ABRAXAS1: variants seen among roughly 807,000 people sequenced by gnomAD.
ABRAXAS1 encodes the protein BRCA1-A complex subunit Abraxas 1.
ABRAXAS1 carries 26 observed loss-of-function variants against 38.4 expected under a neutral mutation model. The observed-to-expected ratio is 0.68, with a 90% CI of 0.50 to 0.94. The LOEUF (loss-of-function observed/expected upper bound fraction) is 0.94, where lower values mean the gene tolerates loss of function less well. ABRAXAS1 is among the 40% of genes least tolerant of loss of function. ABRAXAS1 has a pLI of 0.00. For missense variants in ABRAXAS1, 438 were observed against 481.9 expected, an observed-to-expected ratio of 0.91 and a Z score of 0.85; for synonymous variants, 144 against 165.5, an observed-to-expected ratio of 0.87 and a Z score of 1.00.
At chr4:83,468,493 A>C (rs1440450998) in intron 6 of ABRAXAS1, among the ~76,000 whole-genome samples, 2 of 152,110 alleles carry the variant, frequency 1.3e-5, no homozygotes, top group Non-Finnish European at 2.9e-5. Flanking sequence ...TTACTTCCTT[A>C]CTTAATGGCC....
chr4:83,467,298 T>C, intron 7 of ABRAXAS1, 156 bp downstream of exon 7: 1 of 543,566 alleles, frequency 1.8e-6, no homozygotes, highest in Non-Finnish European at 3.2e-6. Context: ...TAAAACTGCC[T>C]AATGACACAT....
Position 83,462,721 on chromosome 4 carries a change from C to A in ABRAXAS1, c.978G>T (p.Met326Ile), listed in dbSNP as rs1722176274. The A allele has an allele frequency of 6.2e-7, 1 of 1,613,640 alleles. No individual in the cohort carries two copies. The highest frequency in any genetic ancestry group is 1.1e-5 in the South Asian group (1 of 91,066). ...CTTCAGGAATGTCAGTGTGTTCTAC[C>A]ATTAAGGTCAGATTGTCTACTACAT... ...HLDVVDNLTLMVEHTDIPEAS... is the reference protein window; with the variant it reads ...HLDVVDNLTLIVEHTDIPEAS... Residue 326 changes from methionine (M) to isoleucine (I), a missense_variant, in exon 9 of 9, where the codon ATG becomes ATT. Physicochemically the swap from Met to Ile is conservative, Grantham distance 10. Transcript: ENST00000321945.
At chr4:83,471,223 T>A (rs1722580240) in intron 4 of ABRAXAS1, among the ~76,000 whole-genome samples, 1 of 93,654 alleles carries the variant, frequency 1.1e-5, no homozygotes, top group Admixed American at 1.2e-4. Context: ...TTTTTTTTTT[T>A]GAGACAGTCT....
At chr4:83,466,213 G>A (rs1388542147) in intron 7 of ABRAXAS1, among the ~76,000 whole-genome samples, 4 of 152,094 alleles carry the variant, frequency 2.6e-5, no homozygotes, top group African/African-American at 9.7e-5. Flanking sequence ...CCTTTCTCAG[G>A]GGTCAGACTT....
rs773812911 is a variant in ABRAXAS1, at chr4:83,462,643, A to C, written c.1056T>G (p.Asp352Glu). 150 of 1,613,940 alleles carry C rather than the reference A, an allele frequency of 9.3e-5. 1 individual carries two copies. In the Admixed American group the frequency reaches 1.1e-3, roughly 12 times the overall value. The part of the protein sequence containing the change: ...QIIKHKALDL[D>E]DRWQFKRSRL... ...GAGATCTCTTGAATTGCCATCTGTCATCTAAGTCTAAGGCTTTATGCTTAA... is the reference window on the plus strand; with the variant it reads ...GAGATCTCTTGAATTGCCATCTGTCCTCTAAGTCTAAGGCTTTATGCTTAA... The change falls in exon 9 of 9, where the codon GAT becomes GAG. Residue 352 changes from aspartate (D) to glutamate (E), a missense_variant. This residue lies in a region of ABRAXAS1 where 184 missense variants were observed against 181.9 expected (regional missense o/e 1.01). Transcript: ENST00000321945.
chr4:83,476,824 T>C (rs1578132913), intron 2 of ABRAXAS1, 145 bp from the exon 3 acceptor site: 4 of 567,454 alleles, frequency 7.0e-6, no homozygotes, highest in Admixed American at 2.9e-5. Flanking sequence ...CTGCGACATA[T>C]ACTATCATTA....
chr4:83,476,817 C>G (rs539235313), intron 2 of ABRAXAS1, 138 bp from the exon 3 acceptor site: 1 of 572,502 alleles, frequency 1.7e-6, no homozygotes, highest in South Asian at 2.2e-5. Flanking sequence ...AACAAATCTG[C>G]GACATATACT....
intron 2 of ABRAXAS1, chr4:83,478,529 T>C (rs72932937): frequency 2.8e-4 from 95 of 342,924 alleles, no homozygotes; most frequent in African/African-American, 2.0e-3. Flanking sequence ...TACCAAACCG[T>C]TGGTCTCCTA....
rs1244928397 is a variant in ABRAXAS1 at position 83,459,665 on chromosome 4, G to GT, written c.*2803dup. On this transcript the variant is annotated 3_prime_UTR_variant, in exon 9 of 9. Coordinates refer to ENST00000321945, the MANE Select transcript of ABRAXAS1 (RefSeq NM_139076.3). ...TAAAGCTTTATATAACCTGAAGGTT[G>GT]TTTTTTGAAATTTACACATTCAGAA... is the stretch of plus-strand genomic sequence containing the variant. 1.3e-5 allele frequency: 17 copies of GT among 1,357,448 alleles called. No individual in the cohort carries two copies. The highest frequency in any genetic ancestry group is 1.6e-5 in the Non-Finnish European group (15 of 966,104). The allele number at this position is 1,357,448 out of a possible 1,614,324, so 84.1% of individuals were successfully genotyped here. A position where few individuals can be genotyped will look rare whatever the true frequency, so the allele number is the denominator to read the frequency against.
intron 7 of ABRAXAS1, among the ~76,000 whole-genome samples, chr4:83,465,875 ATTTAT>A (rs1212531822): frequency 6.6e-6 from 1 of 152,158 alleles, no homozygotes; most frequent in African/African-American, 2.4e-5. Flanking sequence ...GAATCAAAAT[ATTTAT>A]TTTAACTGCT....
Position 83,476,655 on chromosome 4 carries a change from T to C in ABRAXAS1, c.203A>G (p.Tyr68Cys), listed in dbSNP as rs1156691653. 1.9e-6 allele frequency: 3 copies of C among 1,566,500 alleles called. No homozygotes were observed. The highest frequency in any genetic ancestry group is 1.7e-5 in the Admixed American group (1 of 59,812). Residue 68 changes from tyrosine to cysteine, a missense_variant, in exon 3 of 9, where the codon TAT (tyrosine) becomes TGT (cysteine). Transcript: ENST00000321945. ...CACTACTACTTACCTAAAAAGCTGA[T>C]AGCATGGAATATATTTCTGAATGTC... ...TIDIQKYIPC[Y>C]QLFSFYNSSG... is the part of the protein sequence containing the mutation.
At chr4:83,463,368 G>A (rs1722220485) in intron 8 of ABRAXAS1, 126 bp downstream of exon 8, 5 of 559,008 alleles carry the variant, frequency 8.9e-6, no homozygotes, top group Non-Finnish European at 1.5e-5. Flanking sequence ...AGGAGGCAGA[G>A]GTTGCAGTAA....
intron 7 of ABRAXAS1, among the ~76,000 whole-genome samples, chr4:83,465,461 C>T (rs1421966739): frequency 1.3e-5 from 2 of 152,126 alleles, no homozygotes; most frequent in African/African-American, 4.8e-5. Context: ...AAAACTGGAG[C>T]AAATGGCAGA....
chr4:83,473,924 G>C (rs1208141472), intron 3 of ABRAXAS1, among the ~76,000 whole-genome samples: 1 of 151,642 alleles, frequency 6.6e-6, no homozygotes, highest in Non-Finnish European at 1.5e-5. Context: ...TTGAGGTCAG[G>C]AGATTGAAAC....
intron 5 of ABRAXAS1, 176 bp downstream of exon 5, chr4:83,470,027 G>C (rs933669320): frequency 2.1e-6 from 1 of 481,036 alleles, no homozygotes; most frequent in Non-Finnish European, 3.7e-6. Context: ...TAATTTCCTT[G>C]TCTGACCATT....
chr4:83,462,516 C>A lies in ABRAXAS1; in HGVS notation c.1183G>T (p.Glu395Ter). Residue 395 changes from glutamate to a stop codon, truncating the protein, a stop_gained, in exon 9 of 9, where the codon GAA becomes TAA. Transcript: ENST00000321945. LOFTEE classifies it high-confidence loss of function. ...TATTCACCAAAACCCTTCATCTTTT[C>A]AATTTCTTCATCTGTTTCTGGGCTG... ...MSSPETDEEI[E>*]KMKGFGEYSR... The A allele has an allele frequency of 6.2e-7, 1 of 1,613,970 alleles. No individual in the cohort carries two copies. Among genetic ancestry groups the A allele is most frequent in the Non-Finnish European group, 8.5e-7 (1 of 1,179,988 alleles).
Position 83,477,430 on chromosome 4 carries a change from A to C in ABRAXAS1, c.179-751T>G, listed in dbSNP as rs181921137. On this transcript the variant is annotated intron_variant, in intron 2 of 8. Transcript: ENST00000321945. ...AAAAAAAAACTACAGTAAAATTATAAACTACAGGGTTTTAATGCTTCCGGG... is the reference window on the plus strand; with the variant it reads ...AAAAAAAAACTACAGTAAAATTATACACTACAGGGTTTTAATGCTTCCGGG... The C allele has an allele frequency of 1.1e-3, 218 of 190,912 alleles. 2 individuals are homozygous for C. Among genetic ancestry groups the C allele is most frequent in the Non-Finnish European group, 1.6e-3 (145 of 92,224 alleles). The allele number at this position is 190,912 out of a possible 1,614,324, so 11.8% of individuals were successfully genotyped here. A position where few individuals can be genotyped will look rare whatever the true frequency, so the allele number is the denominator to read the frequency against.
intron 1 of ABRAXAS1, chr4:83,484,775 T>C (rs1723121132): frequency 6.8e-6 from 3 of 438,316 alleles, no homozygotes; most frequent in Admixed American, 8.7e-5. Context: ...TAACGGAGGA[T>C]AGCAGAGGGA....
chr4:83,467,442 A>G lies in ABRAXAS1; in HGVS notation c.681+12T>C, dbSNP rs757135720. 2 of 1,381,634 alleles carry G rather than the reference A, an allele frequency of 1.4e-6. No homozygotes were observed. Among genetic ancestry groups the G allele is most frequent in the East Asian group, 2.3e-5 (1 of 43,580 alleles). The allele number at this position is 1,381,634 out of a possible 1,614,324, so 85.6% of individuals were successfully genotyped here. On this transcript the variant is annotated intron_variant, in intron 7 of 8. Transcript: ENST00000321945. ...TCTAGAAGTGGTTGACGTGTTTGATATGTTAACTTACCTTTAATTCCTCTT... is the reference window on the plus strand; with the variant it reads ...TCTAGAAGTGGTTGACGTGTTTGATGTGTTAACTTACCTTTAATTCCTCTT...
Sources: allele counts gnomAD v4.1 joint callset (sites outside exome capture counted in the v4.1 genomes callset), GRCh38; gene constraint gnomAD v4.1.1; regional missense constraint gnomAD v4.1.1; transcripts MANE v1.5; gene names NCBI Gene and HGNC (gene_info 2026-07-23, HGNC 2026-07-21).